The following SPMAP2L variants were observed in gnomAD, a reference collection of about 807,000 sequenced individuals.
The protein encoded by SPMAP2L is sperm microtubule associated protein 2-like.
the SPMAP2L span, among the ~76,000 whole-genome samples, chr4:56,566,067 TTAGATCA>T: frequency 6.6e-6 from 1 of 152,220 alleles, no homozygotes; most frequent in East Asian, 1.9e-4. Context: ...ATTGAGATAC[TTAGATCA>T]TTTACATTTA....
At chr4:56,538,648 TAAA>T in the SPMAP2L span, among the ~76,000 whole-genome samples, 1 of 151,934 alleles carries the variant, frequency 6.6e-6, no homozygotes, top group Non-Finnish European at 1.5e-5. Context: ...ACTAAAAATA[TAAA>T]AATTAGCTAG....
chr4:56,561,187 A>G, the SPMAP2L span, among the ~76,000 whole-genome samples: 1 of 152,336 alleles, frequency 6.6e-6, no homozygotes, highest in Non-Finnish European at 1.5e-5. Context: ...TTCTTAATGA[A>G]GATCACTTCA....
At chr4:56,572,051 A>T in the SPMAP2L span, among the ~76,000 whole-genome samples, 1 of 152,134 alleles carries the variant, frequency 6.6e-6, no homozygotes, top group Non-Finnish European at 1.5e-5. Context: ...AATTTTTTTT[A>T]TAAGTAGAAA....
At chr4:56,612,757 G>A in the SPMAP2L span, among the ~76,000 whole-genome samples, 23 of 151,758 alleles carry the variant, frequency 1.5e-4, no homozygotes, top group African/African-American at 5.1e-4. Context: ...AGTAGAGATG[G>A]GGTTTCAGCA....
At chr4:56,563,975 G>T in the SPMAP2L span, among the ~76,000 whole-genome samples, 1 of 152,044 alleles carries the variant, frequency 6.6e-6, no homozygotes, top group Non-Finnish European at 1.5e-5. Context: ...CAATGAAGTC[G>T]TCTGGGCCTA....
the SPMAP2L span, among the ~76,000 whole-genome samples, chr4:56,548,415 C>T: frequency 6.6e-6 from 1 of 151,946 alleles, no homozygotes; most frequent in African/African-American, 2.4e-5. Context: ...GACTATTAAC[C>T]CTTTATCATA....
the SPMAP2L span, among the ~76,000 whole-genome samples, chr4:56,619,897 A>C: frequency 2.0e-5 from 3 of 152,204 alleles, no homozygotes; most frequent in Non-Finnish European, 2.9e-5. Context: ...ACAAAAACAG[A>C]AAAAAACTAG....
chr4:56,616,275 T>G, the SPMAP2L span, among the ~76,000 whole-genome samples: 4 of 152,232 alleles, frequency 2.6e-5, no homozygotes, highest in African/African-American at 9.7e-5. Context: ...TGTGTCTAAA[T>G]TTCCTCTTCT....
At chr4:56,589,407 G>T in the SPMAP2L span, among the ~76,000 whole-genome samples, 63 of 152,260 alleles carry the variant, frequency 4.1e-4, no homozygotes, top group African/African-American at 1.4e-3. Context: ...TCTTGCTTTG[G>T]CTATTCAGGC....
the SPMAP2L span, among the ~76,000 whole-genome samples, chr4:56,541,596 A>G: frequency 2.6e-5 from 4 of 152,308 alleles, no homozygotes; most frequent in African/African-American, 9.6e-5. Flanking sequence ...CGTAGTTTCA[A>G]TAATTAACAC....
At chr4:56,616,393 T>G in the SPMAP2L span, among the ~76,000 whole-genome samples, 4 of 152,202 alleles carry the variant, frequency 2.6e-5, no homozygotes, top group Non-Finnish European at 4.4e-5. Flanking sequence ...TCTGAGGTAC[T>G]GGGGGTTAAG....
the SPMAP2L span, among the ~76,000 whole-genome samples, chr4:56,591,591 A>T: frequency 1.3e-5 from 2 of 152,238 alleles, no homozygotes; most frequent in Non-Finnish European, 2.9e-5. Flanking sequence ...TAGTATCATC[A>T]TCATCATAAT....
the SPMAP2L span, among the ~76,000 whole-genome samples, chr4:56,573,940 T>G: frequency 1.3e-5 from 2 of 152,122 alleles, no homozygotes; most frequent in African/African-American, 4.8e-5. Context: ...GACAGAGGCT[T>G]GGGCAGAGAG....
At chr4:56,618,416 A>G in the SPMAP2L span, among the ~76,000 whole-genome samples, 1 of 152,334 alleles carries the variant, frequency 6.6e-6, no homozygotes, top group South Asian at 2.1e-4. Context: ...GACATACCCA[A>G]GACTGAATAA....
the SPMAP2L span, among the ~76,000 whole-genome samples, chr4:56,564,646 A>G: frequency 6.6e-6 from 1 of 150,948 alleles, no homozygotes; most frequent in African/African-American, 2.4e-5. Flanking sequence ...CCATTATTTT[A>G]CTGCTTTTTA....
the SPMAP2L span, among the ~76,000 whole-genome samples, chr4:56,545,334 T>C: frequency 5.3e-5 from 8 of 152,358 alleles, no homozygotes; most frequent in South Asian, 1.2e-3. Context: ...AGTCTGTTTA[T>C]GTAAGCAACC....
chr4:56,555,163 T>G, the SPMAP2L span, among the ~76,000 whole-genome samples: 15 of 152,138 alleles, frequency 9.9e-5, no homozygotes, highest in Non-Finnish European at 1.5e-4. Context: ...GGTCTCGAAC[T>G]CCTGACCTCA....
At chr4:56,594,073 T>C in the SPMAP2L span, 2 of 1,609,466 alleles carry the variant, frequency 1.2e-6, no homozygotes, top group Non-Finnish European at 1.7e-6. Context: ...GTATTTCTCT[T>C]GATGAAACAG....
the SPMAP2L span, chr4:56,559,303 C>CAA: frequency 5.6e-4 from 369 of 662,566 alleles, no homozygotes; most frequent in South Asian, 7.2e-4. Flanking sequence ...AAGACTGTCT[C>CAA]AAAAAAAAAA....
Sources: gnomAD v4.1 joint callset for allele counts (sites outside exome capture counted in the v4.1 genomes callset) on GRCh38, gnomAD v4.1.1 for gene constraint, MANE v1.5 for transcripts, NCBI Gene and HGNC (gene_info 2026-07-23, HGNC 2026-07-21) for gene names.